Variants in FAT4 observed in about 807,000 individuals in gnomAD.
FAT4 encodes FAT atypical cadherin 4.
FAT4 carries 84 observed loss-of-function variants against 303.9 expected under a neutral mutation model. That is an observed-to-expected ratio of 0.28 (90% CI 0.23 to 0.33). The LOEUF (loss-of-function observed/expected upper bound fraction) is 0.33. Ranked by LOEUF, FAT4 falls within the 10% of genes least tolerant of loss-of-function variation. The pLI is 1.00. For missense variants in FAT4, 6,005 were observed against 6,146.8 expected, an observed-to-expected ratio of 0.98 and a Z score of 0.77; for synonymous variants, 2,307 against 2,298.8, an observed-to-expected ratio of 1.00 and a Z score of -0.10.
chr4:125,398,633 C>T, intron 2 of FAT4, 151 bp from the exon 3 acceptor site: 3 of 672,964 alleles, frequency 4.5e-6, no homozygotes, highest in South Asian at 2.4e-5. Context: ...ACAACTTTTC[C>T]CTAGGGGTAG....
intron 2 of FAT4, among the ~76,000 whole-genome samples, chr4:125,390,825 CAT>C (rs1236830470): frequency 6.6e-6 from 1 of 152,086 alleles, no homozygotes; most frequent in Non-Finnish European, 1.5e-5. Flanking sequence ...CTGAACAAAA[CAT>C]ATTAAGGATA....
rs765553459 is a variant in FAT4 at position 125,490,157 on chromosome 4, G to T, written c.13341G>T (p.Leu4447=). 4.3e-6 allele frequency: 7 copies of T among 1,613,984 alleles called. No individual in the cohort carries two copies. The Admixed American group carries it at 8.3e-5, about 19-fold the overall frequency. The change falls in exon 18 of 18, where the codon CTG becomes CTT. Residue 4447 remains leucine, a synonymous_variant. Transcript: ENST00000394329. ...ATGGTGGCAGCTGTGAGCCAGGCCT[G>T]CACTCCGGCTTCACCTGTAGCTGCC... is the stretch of plus-strand genomic sequence containing the variant. The part of the protein sequence containing the change: ...CQNGGSCEPG[L]HSGFTCSCPD...
intron 2 of FAT4, among the ~76,000 whole-genome samples, chr4:125,378,137 C>G (rs888471096): frequency 2.6e-5 from 4 of 152,012 alleles, no homozygotes; most frequent in Non-Finnish European, 5.9e-5. Context: ...CTTATTGATT[C>G]TATGTATGTA....
At chr4:125,465,809 T>G (rs554755780) in intron 11 of FAT4, among the ~76,000 whole-genome samples, 1 of 152,320 alleles carries the variant, frequency 6.6e-6, no homozygotes, top group African/African-American at 2.4e-5. Context: ...TAAACTTAGA[T>G]ATTGTCAGTT....
chr4:125,386,925 G>C (rs977956342), intron 2 of FAT4, among the ~76,000 whole-genome samples: 2 of 152,146 alleles, frequency 1.3e-5, no homozygotes, highest in African/African-American at 4.8e-5. Flanking sequence ...GGGTGGGAGG[G>C]TGGTTTTGGG....
In FAT4 at chr4:125,408,438, T is replaced by C; in HGVS notation, c.5570-6T>C. 1 of 1,552,594 alleles carries C rather than the reference T, an allele frequency of 6.4e-7. No homozygotes were observed. The highest frequency in any genetic ancestry group is 8.7e-7 in the Non-Finnish European group (1 of 1,144,054). The stretch of plus-strand genomic sequence containing the variant: ...ATTTTATACTATTAATTTATTCTTT[T>C]GATAGGTTCTTTGGTAGCAGCCATT... On this transcript the variant is annotated splice_polypyrimidine_tract_variant and splice_region_variant and intron_variant, in intron 4 of 17. Coordinates refer to ENST00000394329, the MANE Select transcript of FAT4 (RefSeq NM_001291303.3).
rs973103296 is a variant in FAT4 at position 125,385,007 on chromosome 4, T to C, written c.5176-13777T>C. On this transcript the variant is annotated intron_variant, in intron 2 of 17. Coordinates refer to ENST00000394329, the MANE Select transcript of FAT4 (RefSeq NM_001291303.3). ...ACACACATATATATATATACATATA[T>C]ATATATATATATATATATTTTTTTT... 6.5e-4 allele frequency among the ~76,000 whole-genome samples: 48 copies of C among 73,384 alleles called. 2 individuals carry two copies. The highest frequency in any genetic ancestry group is 2.1e-3 in the East Asian group (6 of 2,920). The allele number at this position is 73,384 out of a possible 152,430, so 48.1% of individuals were successfully genotyped here.
chr4:125,396,944 A>G (rs879596344), intron 2 of FAT4, among the ~76,000 whole-genome samples: 4,931 of 84,634 alleles, frequency 0.058, 128 homozygotes, highest in African/African-American at 0.09. Flanking sequence ...ATATATATAT[A>G]TATATATATA....
chr4:125,349,412 A>C (rs1392292048), intron 2 of FAT4, among the ~76,000 whole-genome samples: 8 of 151,754 alleles, frequency 5.3e-5, no homozygotes, highest in Admixed American at 1.3e-4. Flanking sequence ...AATGGATATC[A>C]TACCCTTCCA....
intron 2 of FAT4, among the ~76,000 whole-genome samples, chr4:125,389,759 A>G (rs1264180784): frequency 6.6e-6 from 1 of 152,226 alleles, no homozygotes; most frequent in Admixed American, 6.5e-5. Context: ...TATTAGAGTT[A>G]CCACAAGTTT....
chr4:125,481,822 C>G, intron 16 of FAT4, 84 bp downstream of exon 16: 1 of 1,230,060 alleles, frequency 8.1e-7, no homozygotes, highest in Non-Finnish European at 1.2e-6. Context: ...TAATTTCTGT[C>G]CTTTTCTTTA....
At chr4:125,483,840 G>A (rs372110936) in intron 16 of FAT4, among the ~76,000 whole-genome samples, 23 of 151,636 alleles carry the variant, frequency 1.5e-4, no homozygotes, top group African/African-American at 5.3e-4. Flanking sequence ...TTATTTGGAT[G>A]ATAGGAGTAT....
chr4:125,450,073 G>A lies in FAT4; in HGVS notation c.9063G>A (p.Val3021=), dbSNP rs1725994482. Residue 3021 remains valine, a synonymous_variant, in exon 10 of 18, where the codon GTG becomes GTA. Coordinates refer to ENST00000394329, the MANE Select transcript of FAT4 (RefSeq NM_001291303.3). The stretch of plus-strand genomic sequence containing the variant: ...AAGATTTTGGACTGAATTCAGAAGT[G>A]GAGTATTTCATTTCTAATGATAACC... The part of the protein sequence containing the change: ...DDKDFGLNSE[V]EYFISNDNHL... 1 of 1,613,818 alleles carries A rather than the reference G, an allele frequency of 6.2e-7. No homozygotes were observed. Among genetic ancestry groups the A allele is most frequent in the Admixed American group, 1.7e-5 (1 of 59,994 alleles).
chr4:125,449,000 G>A lies in FAT4; in HGVS notation c.7990G>A (p.Val2664Ile). Residue 2664 changes from valine to isoleucine, a missense_variant, in exon 10 of 18, where the codon GTC (valine) becomes ATC (isoleucine). Physicochemically the swap from Val to Ile is conservative, Grantham distance 29 (BLOSUM62 3). Transcript: ENST00000394329. Reference sequence around the variant, plus strand: ...GAAACTTGATATAACAGTATTAGATGTCAATGATAATGCCCCAATTTTTAA... The same window carrying A: ...GAAACTTGATATAACAGTATTAGATATCAATGATAATGCCCCAATTTTTAA... Reference protein sequence around the residue: ...YEKLDITVLDVNDNAPIFKED... With the variant: ...YEKLDITVLDINDNAPIFKED... 6.2e-7 allele frequency: 1 copy of A among 1,613,858 alleles called. No individual in the cohort carries two copies. Among genetic ancestry groups the A allele is most frequent in the East Asian group, 2.2e-5 (1 of 44,874 alleles).
At chr4:125,367,636 T>C (rs1026266790) in intron 2 of FAT4, among the ~76,000 whole-genome samples, 3 of 152,160 alleles carry the variant, frequency 2.0e-5, no homozygotes, top group Non-Finnish European at 4.4e-5. Context: ...TTTTCAACCG[T>C]ATATCATAGA....
At position 125,407,189 on chromosome 4, in the gene FAT4, C is replaced by G. The variant is rs1186264074; in HGVS notation, c.5569+48C>G. ...GTATTTTGCAAGAATCGCTTTTGAA[C>G]CAAAATTACATACTATGTTTCGGCT... On this transcript the variant is annotated intron_variant, in intron 4 of 17. Transcript: ENST00000394329. The G allele has an allele frequency of 2.6e-6, 4 of 1,533,722 alleles. No individual in the cohort carries two copies. The African/African-American group carries it at 5.5e-5, about 21-fold the overall frequency.
At chr4:125,460,458 C>A (rs1369307858) in intron 10 of FAT4, among the ~76,000 whole-genome samples, 1 of 151,932 alleles carries the variant, frequency 6.6e-6, no homozygotes, top group Non-Finnish European at 1.5e-5. Flanking sequence ...CCAGTAGACC[C>A]CAGTGTCTGT....
intron 2 of FAT4, among the ~76,000 whole-genome samples, chr4:125,382,501 T>C (rs1342286975): frequency 2.0e-5 from 3 of 152,230 alleles, no homozygotes; most frequent in Non-Finnish European, 4.4e-5. Context: ...GCTTAAGATA[T>C]TCAGCAAATC....
chr4:125,411,860 A>G (rs920272698), intron 5 of FAT4, among the ~76,000 whole-genome samples: 29 of 148,354 alleles, frequency 2.0e-4, no homozygotes, highest in Middle Eastern at 3.5e-3. Context: ...ATGTGTGTAT[A>G]TATATATATA....
Sources: gnomAD v4.1 joint callset for allele counts (sites outside exome capture counted in the v4.1 genomes callset) on GRCh38, gnomAD v4.1.1 for gene constraint, MANE v1.5 for transcripts, NCBI Gene and HGNC (gene_info 2026-07-23, HGNC 2026-07-21) for gene names.